Variants in STK24 observed in about 807,000 individuals in gnomAD.
The protein encoded by STK24 is serine/threonine-protein kinase 24.
STK24 carries 21 observed loss-of-function variants against 55.6 expected under a neutral mutation model. That is an observed-to-expected ratio of 0.38 (90% CI 0.27 to 0.54). STK24 has a LOEUF of 0.54. Among genes scored for constraint, STK24 ranks in the 20% least tolerant of loss-of-function variants. The probability of loss-of-function intolerance (pLI) is 0.79; values close to 1 mark genes in which losing one functional copy is unlikely to be tolerated. For missense variants in STK24, 383 were observed against 538.4 expected (o/e 0.71, Z 2.86); for synonymous variants, 200 against 215.2 (o/e 0.93, Z 0.62).
chr13:98,545,470 T>C (rs1481541152), intron 1 of STK24, among the ~76,000 whole-genome samples: 1 of 151,932 alleles, frequency 6.6e-6, no homozygotes, highest in Non-Finnish European at 1.5e-5. Context: ...CCGTCTCCAC[T>C]AAAAATACAA....
chr13:98,573,076 T>A (rs1014980574), intron 1 of STK24, among the ~76,000 whole-genome samples: 11 of 152,212 alleles, frequency 7.2e-5, no homozygotes, highest in Admixed American at 4.6e-4. Flanking sequence ...TCAACAAGCA[T>A]ATAATGCAAA....
rs76456777 is a variant in STK24 at position 98,463,490 on chromosome 13, G to A, written c.929+201C>T. ...ACAGCTCTACCACAAGAGTTCACTC[G>A]CAGAAACTCCACCAGCAACGTCAAG... is the stretch of plus-strand genomic sequence containing the variant. On this transcript the variant is annotated intron_variant, in intron 7 of 10. Transcript: ENST00000539966. Among the ~76,000 whole-genome samples the A allele has an allele frequency of 6.0e-3, 917 of 152,018 alleles. 6 individuals are homozygous for A. The highest frequency in any genetic ancestry group is 0.021 in the African/African-American group (872 of 41,456).
chr13:98,573,632 C>T (rs1897798571), intron 1 of STK24, among the ~76,000 whole-genome samples: 1 of 152,194 alleles, frequency 6.6e-6, no homozygotes, highest in Non-Finnish European at 1.5e-5. Flanking sequence ...ATAAGGGTTG[C>T]TGATTGAATA....
Position 98,447,068 on chromosome 13 carries a change from T to C in STK24, c.*6105A>G. ...GCCCTAGACATCTTGCTTGGAGATC[T>C]CTGACATAACGTGTCCGGGATGATG... On this transcript the variant is annotated 3_prime_UTR_variant, in exon 11 of 11. Transcript: ENST00000539966. 4.2e-6 allele frequency: 2 copies of C among 476,808 alleles called. No homozygotes were observed. The highest frequency in any genetic ancestry group is 5.2e-5 in the South Asian group (2 of 38,640). The allele number at this position is 476,808 out of a possible 1,614,324, so 29.5% of individuals were successfully genotyped here. A position where few individuals can be genotyped will look rare whatever the true frequency, so the allele number is the denominator to read the frequency against.
intron 1 of STK24, among the ~76,000 whole-genome samples, chr13:98,570,743 C>T (rs144345173): frequency 4.8e-4 from 73 of 152,208 alleles, no homozygotes; most frequent in African/African-American, 1.6e-3. Flanking sequence ...AACCAGGGAG[C>T]CATTTAGGAT....
At chr13:98,495,144 C>T (rs1895200892) in intron 2 of STK24, among the ~76,000 whole-genome samples, 1 of 152,224 alleles carries the variant, frequency 6.6e-6, no homozygotes, top group South Asian at 2.1e-4. Flanking sequence ...AGCCCACTTT[C>T]CTTATTTTGA....
At chr13:98,545,712 A>G (rs1343874739) in intron 1 of STK24, among the ~76,000 whole-genome samples, 1 of 151,974 alleles carries the variant, frequency 6.6e-6, no homozygotes, top group Non-Finnish European at 1.5e-5. Context: ...TCAGTCAGTG[A>G]TTAGACAACT....
In STK24 at chr13:98,576,642, C is replaced by T. The variant is rs571783156; in HGVS notation, c.42+103G>A. The T allele has an allele frequency of 2.2e-5, 23 of 1,029,642 alleles. No individual in the cohort carries two copies. The African/African-American group carries it at 3.1e-4, about 14-fold the overall frequency. 63.8% of individuals were successfully genotyped at this position (1,029,642 alleles called of 1,614,324 possible). On this transcript the variant is annotated intron_variant, in intron 1 of 10. Coordinates refer to ENST00000539966, the MANE Select transcript of STK24 (RefSeq NM_001032296.4). ...GCGCGCGGGGAGCCAGGCTCCGGCG[C>T]GACCCCGGCCGGCTGAGCGTAGGGG...
rs1325160867 is a variant in STK24 at position 98,463,736 on chromosome 13, T to C, written c.884A>G (p.Lys295Arg). 1 of 1,614,206 alleles carries C rather than the reference T, an allele frequency of 6.2e-7. No individual in the cohort carries two copies. The highest frequency in any genetic ancestry group is 2.2e-5 in the East Asian group (1 of 44,876). ...TELIDRYKRW[K>R]AEQSHDDSSS... ...CGAGTCGTCATGGCTCTGCTCGGCC[T>C]TCCATCTCTTGTACCTGTCGATGAG... The change falls in exon 7 of 11, where the codon AAG becomes AGG. Residue 295 changes from lysine to arginine, a missense_variant. By Grantham distance (26) the Lys-to-Arg change is conservative (BLOSUM62 2). Coordinates refer to ENST00000539966, the MANE Select transcript of STK24 (RefSeq NM_001032296.4).
chr13:98,468,360 C>T (rs1893996760), intron 5 of STK24, among the ~76,000 whole-genome samples: 1 of 152,274 alleles, frequency 6.6e-6, no homozygotes, highest in African/African-American at 2.4e-5. Context: ...TCTGCTTTAT[C>T]TTGCATTGCA....
At chr13:98,522,925 G>A (rs914986806) in intron 1 of STK24, among the ~76,000 whole-genome samples, 1 of 152,168 alleles carries the variant, frequency 6.6e-6, no homozygotes, top group Non-Finnish European at 1.5e-5. Flanking sequence ...AAGGGCGAGA[G>A]GGGTGCTAAC....
chr13:98,478,081 G>A (rs1894448862), intron 3 of STK24, among the ~76,000 whole-genome samples: 1 of 152,190 alleles, frequency 6.6e-6, no homozygotes, highest in Non-Finnish European at 1.5e-5. Context: ...ACTATAAAGG[G>A]TATTCGGCTG....
chr13:98,505,406 C>A (rs1346734491), intron 2 of STK24, among the ~76,000 whole-genome samples: 1 of 152,248 alleles, frequency 6.6e-6, no homozygotes, highest in South Asian at 2.1e-4. Context: ...CTATACTACA[C>A]CAGCCTTGGC....
In STK24 at chr13:98,463,800, T is replaced by C. The variant is rs752685410; in HGVS notation, c.820A>G (p.Ile274Val). 25 of 1,614,184 alleles carry C rather than the reference T, an allele frequency of 1.5e-5. No homozygotes were observed. Among genetic ancestry groups the C allele is most frequent in the Admixed American group, 6.7e-5 (4 of 60,020 alleles). The change falls in exon 7 of 11, where the codon ATA becomes GTA. Residue 274 changes from isoleucine (I) to valine (V), a missense_variant. Physicochemically the swap from Ile to Val is conservative, Grantham distance 29. Coordinates refer to ENST00000539966, the MANE Select transcript of STK24 (RefSeq NM_001032296.4). ...TAKELLKHKFILRNAKKTSYL... is the reference protein window; with the variant it reads ...TAKELLKHKFVLRNAKKTSYL... Reference sequence around the variant, plus strand: ...GAAGTTTTCTTTGCATTGCGTAGTATAAACTTGTGCTTCAATAACTCCTTA... The same window carrying C: ...GAAGTTTTCTTTGCATTGCGTAGTACAAACTTGTGCTTCAATAACTCCTTA...
At chr13:98,538,386 A>T (rs750095293) in intron 1 of STK24, among the ~76,000 whole-genome samples, 27 of 151,696 alleles carry the variant, frequency 1.8e-4, no homozygotes, top group Non-Finnish European at 3.8e-4. Flanking sequence ...CACCACACAC[A>T]GCTAATTTCT....
chr13:98,489,647 G>T (rs1245269019), intron 2 of STK24, among the ~76,000 whole-genome samples: 1 of 152,222 alleles, frequency 6.6e-6, no homozygotes, highest in African/African-American at 2.4e-5. Context: ...CTCCAGGAGG[G>T]AGGCGGCACC....
rs79471877 is a variant in STK24, at chr13:98,484,507, C to T, written c.274-2186G>A. ...GCAATATGACACCCTGGGAAACAAT[C>T]TTTTGCTGACTTAGGGGACTGAGGG... On this transcript the variant is annotated intron_variant, in intron 2 of 10. Coordinates refer to ENST00000539966, the MANE Select transcript of STK24 (RefSeq NM_001032296.4). Among the ~76,000 whole-genome samples the T allele has an allele frequency of 7.4e-3, 1,124 of 152,264 alleles. 14 individuals carry two copies. The highest frequency in any genetic ancestry group is 0.025 in the African/African-American group (1,052 of 41,540).
chr13:98,550,721 G>A (rs1219181551), intron 1 of STK24, among the ~76,000 whole-genome samples: 1 of 151,452 alleles, frequency 6.6e-6, no homozygotes, highest in Non-Finnish European at 1.5e-5. Context: ...TGGGCTCAAA[G>A]GTAAAAAAAT....
In STK24 at chr13:98,460,396, T is replaced by C. The variant is rs1379158316; in HGVS notation, c.1098A>G (p.Thr366=). The C allele has an allele frequency of 5.0e-6, 8 of 1,613,118 alleles. No individual in the cohort carries two copies. Among genetic ancestry groups the C allele is most frequent in the Non-Finnish European group, 2.5e-6 (3 of 1,179,518 alleles). ...PKRPFSQCLS[T]IISPLFAELK... ...CCTCTGCAAACAGAGGAGAAATAATTGTAGATAAACACTGAGAGAAAGGCC... is the reference window on the plus strand; with the variant it reads ...CCTCTGCAAACAGAGGAGAAATAATCGTAGATAAACACTGAGAGAAAGGCC... Residue 366 remains threonine (T), a synonymous_variant, in exon 9 of 11, where the codon ACA becomes ACG. Transcript: ENST00000539966.
Sources: allele counts gnomAD v4.1 joint callset (sites outside exome capture counted in the v4.1 genomes callset), GRCh38; gene constraint gnomAD v4.1.1; transcripts MANE v1.5; gene names NCBI Gene and HGNC (gene_info 2026-07-23, HGNC 2026-07-21).